The following LRP1B variants were observed in gnomAD, a reference collection of about 807,000 sequenced individuals.
LRP1B encodes low-density lipoprotein receptor-related protein 1B.
Under a neutral mutation model 556.6 loss-of-function variants are expected in LRP1B, and 217 were observed. The observed-to-expected ratio is 0.39, with a 90% CI of 0.35 to 0.44. The LOEUF is 0.44. LRP1B is among the 20% of genes least tolerant of loss of function. The pLI is 1.00. For missense variants in LRP1B, 5,053 were observed against 5,620.8 expected, an observed-to-expected ratio of 0.90 and a Z score of 3.23; for synonymous variants, 2,047 against 1,865.8, an observed-to-expected ratio of 1.10 and a Z score of -2.50.
chr2:142,073,739 G>A (rs1240856413), intron 1 of LRP1B, among the ~76,000 whole-genome samples: 1 of 151,992 alleles, frequency 6.6e-6, no homozygotes, highest in Non-Finnish European at 1.5e-5. Context: ...AGGTGATTGG[G>A]TCATGGGCAG....
At chr2:141,121,978 C>T (rs915018728) in intron 7 of LRP1B, among the ~76,000 whole-genome samples, 33 of 152,184 alleles carry the variant, frequency 2.2e-4, no homozygotes, top group African/African-American at 7.2e-4. Context: ...CTTTGACAAA[C>T]CTGACAAAAA....
chr2:141,668,078 C>G (rs1228024757), intron 2 of LRP1B, among the ~76,000 whole-genome samples: 3 of 152,136 alleles, frequency 2.0e-5, no homozygotes, highest in East Asian at 1.9e-4. Flanking sequence ...TTCCAATAAG[C>G]AATCAGACTC....
chr2:141,471,181 A>C (rs1682447764), intron 3 of LRP1B, among the ~76,000 whole-genome samples: 1 of 152,106 alleles, frequency 6.6e-6, no homozygotes, highest in Non-Finnish European at 1.5e-5. Context: ...CCTGCTACAC[A>C]TATGCAACAA....
At chr2:141,005,820 T>C (rs551886444) in intron 14 of LRP1B, among the ~76,000 whole-genome samples, 4 of 152,102 alleles carry the variant, frequency 2.6e-5, no homozygotes, top group African/African-American at 9.6e-5. Flanking sequence ...GAATGTGGCT[T>C]TGGATTCCCA....
At chr2:140,485,776 C>A (rs910209772) in intron 58 of LRP1B, among the ~76,000 whole-genome samples, 4 of 151,142 alleles carry the variant, frequency 2.6e-5, no homozygotes, top group African/African-American at 9.7e-5. Flanking sequence ...TGGAGAGCTG[C>A]ACATTTGTTG....
intron 18 of LRP1B, among the ~76,000 whole-genome samples, chr2:140,956,821 G>A (rs1695887524): frequency 6.6e-6 from 1 of 151,732 alleles, no homozygotes; most frequent in Non-Finnish European, 1.5e-5. Context: ...ATTAATGTGT[G>A]ATATTGGGTA....
chr2:141,799,118 G>A (rs1207595911), intron 2 of LRP1B, among the ~76,000 whole-genome samples: 1 of 152,068 alleles, frequency 6.6e-6, no homozygotes, highest in Admixed American at 6.6e-5. Flanking sequence ...AGTGTGTGGT[G>A]TTTTTTTAAG....
intron 20 of LRP1B, among the ~76,000 whole-genome samples, chr2:140,933,999 T>A (rs1695129141): frequency 1.3e-5 from 2 of 152,088 alleles, no homozygotes; most frequent in African/African-American, 4.8e-5. Context: ...AATCCATTAA[T>A]AATTAACATT....
rs1024345766 is a variant in LRP1B, at chr2:141,017,317, T to C, written c.1971-1402A>G. The stretch of plus-strand genomic sequence containing the variant: ...TATTGATATTTTCCTGAAATTTTCT[T>C]ATATACAGTTAATCAATACGGTTTT... On this transcript the variant is annotated intron_variant, in intron 12 of 90. Transcript: ENST00000389484. Among the ~76,000 whole-genome samples, 12 of 152,094 alleles carry C rather than the reference T, an allele frequency of 7.9e-5. 1 individual carries two copies. The South Asian group carries it at 1.7e-3, about 21-fold the overall frequency.
At chr2:140,874,018 C>T (rs1354060402) in intron 25 of LRP1B, among the ~76,000 whole-genome samples, 6 of 151,470 alleles carry the variant, frequency 4.0e-5, no homozygotes, top group African/African-American at 1.2e-4. Flanking sequence ...AGTCCTAGAA[C>T]AAAATGACTG....
rs1203051514 is a variant in LRP1B at position 142,006,367 on chromosome 2, T to C, written c.82+124281A>G. Among the ~76,000 whole-genome samples, 12 of 152,334 alleles carry C rather than the reference T, an allele frequency of 7.9e-5. No individual in the cohort carries two copies. The East Asian group carries it at 2.3e-3, about 29-fold the overall frequency. ...AAGAAACCTGACAAGCAGTGTGTCATACTTCTGGCAAGCTTGCTAGTGATT... is the reference window on the plus strand; with the variant it reads ...AAGAAACCTGACAAGCAGTGTGTCACACTTCTGGCAAGCTTGCTAGTGATT... On this transcript the variant is annotated intron_variant, in intron 1 of 90. Coordinates refer to ENST00000389484, the MANE Select transcript of LRP1B (RefSeq NM_018557.3).
chr2:140,578,169 A>G (rs1401204937), intron 43 of LRP1B, among the ~76,000 whole-genome samples: 1 of 152,212 alleles, frequency 6.6e-6, no homozygotes, highest in Non-Finnish European at 1.5e-5. Flanking sequence ...CCAATTTTAT[A>G]GAGAAAAGCA....
intron 1 of LRP1B, among the ~76,000 whole-genome samples, chr2:142,067,830 T>G (rs1168594607): frequency 6.6e-6 from 1 of 151,634 alleles, no homozygotes. Flanking sequence ...CTGTGGCTAC[T>G]TTAAACATAA....
intron 66 of LRP1B, among the ~76,000 whole-genome samples, chr2:140,437,054 C>T (rs1573938002): frequency 6.6e-6 from 1 of 152,050 alleles, no homozygotes; most frequent in South Asian, 2.1e-4. Flanking sequence ...CTTGGCTCAA[C>T]GAGTGTCATA....
intron 86 of LRP1B, among the ~76,000 whole-genome samples, chr2:140,269,578 G>C (rs1682366725): frequency 1.3e-5 from 2 of 152,004 alleles, no homozygotes; most frequent in South Asian, 4.1e-4. Context: ...GTTATATGTG[G>C]GCATCATCCT....
chr2:140,561,494 A>G (rs1228950261), intron 43 of LRP1B, among the ~76,000 whole-genome samples: 2 of 152,150 alleles, frequency 1.3e-5, no homozygotes, highest in African/African-American at 4.8e-5. Context: ...TGTCACGTAA[A>G]GCTGTGATTA....
intron 3 of LRP1B, among the ~76,000 whole-genome samples, chr2:141,416,446 A>ACT (rs1491278281): frequency 2.7e-4 from 28 of 103,416 alleles, no homozygotes; most frequent in Admixed American, 1.7e-3. Flanking sequence ...TTTGACAGCC[A>ACT]TTTTTTTTTT....
At chr2:141,743,649 C>T (rs957449012) in intron 2 of LRP1B, among the ~76,000 whole-genome samples, 8 of 151,702 alleles carry the variant, frequency 5.3e-5, no homozygotes, top group African/African-American at 1.9e-4. Context: ...TTACTTGTTA[C>T]TGGTCTGTTC....
intron 41 of LRP1B, among the ~76,000 whole-genome samples, chr2:140,662,740 T>G (rs1192991701): frequency 6.6e-6 from 1 of 152,136 alleles, no homozygotes. Context: ...AGTATCTGTT[T>G]TCAAGTAAAA....
Sources: allele counts gnomAD v4.1 joint callset (sites outside exome capture counted in the v4.1 genomes callset), GRCh38; gene constraint gnomAD v4.1.1; transcripts MANE v1.5; gene names NCBI Gene and HGNC (gene_info 2026-07-23, HGNC 2026-07-21).